GPR137B: variants seen among roughly 807,000 people sequenced by gnomAD.
The protein encoded by GPR137B is G protein-coupled receptor 137B, also known as integral membrane protein GPR137B.
Under a neutral mutation model 42.5 loss-of-function variants are expected in GPR137B, and 42 were observed. That is an observed-to-expected ratio of 0.99 (90% CI 0.77 to 1.28). GPR137B has a LOEUF of 1.28. Ranked by LOEUF, GPR137B falls within the 50% of genes most tolerant of loss-of-function variation. The probability of loss-of-function intolerance (pLI) is 0.00; values close to 1 mark genes in which losing one functional copy is unlikely to be tolerated. For synonymous variants in GPR137B, 218 were observed against 209.7 expected (o/e 1.04, Z -0.34); for missense variants, 487 against 493.9 (o/e 0.99, Z 0.13).
At chr1:236,154,382 T>TC (rs1009138039) in intron 1 of GPR137B, among the ~76,000 whole-genome samples, 1 of 152,090 alleles carries the variant, frequency 6.6e-6, no homozygotes, top group African/African-American at 2.4e-5. Context: ...TATTGTGTCT[T>TC]CCCCGAGTTC....
In GPR137B at chr1:236,150,211, C is replaced by G. The variant is rs113900113; in HGVS notation, c.414+7175C>G. On this transcript the variant is annotated intron_variant, in intron 1 of 6. Transcript: ENST00000366592. The surrounding 1 kb of genome is among the most constrained non-coding windows in gnomAD (Gnocchi z 6.2). ...TGTGTCTGTGTGCCTGTGTGTGTGTCTGTGCCTGTGTGTGCCTGTGTATGT... is the reference window on the plus strand; with the variant it reads ...TGTGTCTGTGTGCCTGTGTGTGTGTGTGTGCCTGTGTGTGCCTGTGTATGT... Among the ~76,000 whole-genome samples, 7 of 136,934 alleles carry G rather than the reference C, an allele frequency of 5.1e-5. No individual in the cohort carries two copies. Among genetic ancestry groups the G allele is most frequent in the Middle Eastern group, 4.6e-3 (1 of 218 alleles). 89.8% of individuals were successfully genotyped at this position (136,934 alleles called of 152,430 possible). A position where few individuals can be genotyped will look rare whatever the true frequency, so the allele number is the denominator to read the frequency against.
chr1:236,147,921 C>T (rs1401456367), intron 1 of GPR137B, among the ~76,000 whole-genome samples: 1 of 152,206 alleles, frequency 6.6e-6, no homozygotes. Context: ...TAACTCTCTC[C>T]GGGCCGTCTG....
At chr1:236,159,747 C>T (rs1415798219) in intron 1 of GPR137B, among the ~76,000 whole-genome samples, 1 of 152,232 alleles carries the variant, frequency 6.6e-6, no homozygotes, top group Non-Finnish European at 1.5e-5. Flanking sequence ...GGCCTTTATG[C>T]TTCTGTCGAA....
At chr1:236,161,703 C>T (rs1488314612) in intron 1 of GPR137B, among the ~76,000 whole-genome samples, 2 of 152,164 alleles carry the variant, frequency 1.3e-5, no homozygotes, top group East Asian at 3.8e-4. Context: ...GTGAATAAGT[C>T]TCACAAGATC....
intron 2 of GPR137B, among the ~76,000 whole-genome samples, chr1:236,169,138 T>C (rs899931392): frequency 6.6e-6 from 1 of 151,804 alleles, no homozygotes; most frequent in African/African-American, 2.4e-5. Flanking sequence ...GCCAGGTGCT[T>C]CCCCTTCCCC....
intron 5 of GPR137B, among the ~76,000 whole-genome samples, chr1:236,184,492 G>A (rs995256370): frequency 2.6e-5 from 4 of 152,126 alleles, no homozygotes; most frequent in Admixed American, 6.5e-5. Context: ...GCCTTGTTCC[G>A]TAAATTATTC....
At chr1:236,145,317 G>A (rs1661652924) in intron 1 of GPR137B, among the ~76,000 whole-genome samples, 1 of 152,230 alleles carries the variant, frequency 6.6e-6, no homozygotes, top group Non-Finnish European at 1.5e-5. Context: ...GGAGCTTTAA[G>A]AATGACTGTT....
At chr1:236,206,147 G>C (rs867351440) in intron 6 of GPR137B, among the ~76,000 whole-genome samples, 1 of 152,138 alleles carries the variant, frequency 6.6e-6, no homozygotes, top group African/African-American at 2.4e-5. Context: ...TACTTCTATA[G>C]CATCTACTCT....
At chr1:236,202,174 G>C (rs1317308744) in intron 5 of GPR137B, among the ~76,000 whole-genome samples, 1 of 152,068 alleles carries the variant, frequency 6.6e-6, no homozygotes, top group Non-Finnish European at 1.5e-5. Context: ...TAGACTCTGT[G>C]AAAGACCTTG....
intron 1 of GPR137B, among the ~76,000 whole-genome samples, chr1:236,149,053 C>T (rs1254175703): frequency 2.0e-5 from 3 of 152,210 alleles, no homozygotes; most frequent in Non-Finnish European, 4.4e-5. Context: ...GAGATTCTCA[C>T]TGTGTGTTGC....
chr1:236,204,353 T>C (rs1663587613), intron 5 of GPR137B, among the ~76,000 whole-genome samples: 1 of 152,250 alleles, frequency 6.6e-6, no homozygotes, highest in Non-Finnish European at 1.5e-5. Context: ...ATCAGAGATA[T>C]TGGCCTACAG....
At chr1:236,154,469 G>A (rs1661957572) in intron 1 of GPR137B, among the ~76,000 whole-genome samples, 1 of 151,980 alleles carries the variant, frequency 6.6e-6, no homozygotes. Flanking sequence ...TGCCATCCTG[G>A]TTGCTGTTCC....
At chr1:236,147,563 A>G (rs57007379) in intron 1 of GPR137B, among the ~76,000 whole-genome samples, 1,668 of 152,286 alleles carry the variant, frequency 0.011, 34 homozygotes, top group African/African-American at 0.038. Context: ...AGGACCCTGC[A>G]CCTGGCTGCT....
intron 3 of GPR137B, among the ~76,000 whole-genome samples, 163 bp downstream of exon 3, chr1:236,178,799 T>G (rs1222279294): frequency 3.4e-5 from 3 of 88,408 alleles, no homozygotes; most frequent in African/African-American, 7.2e-5. Context: ...TTTTTTTTTT[T>G]TTTTTTTTTT....
intron 5 of GPR137B, among the ~76,000 whole-genome samples, chr1:236,190,813 C>T (rs540367501): frequency 6.6e-6 from 1 of 151,164 alleles, no homozygotes; most frequent in South Asian, 2.1e-4. Context: ...ATGTGTCTGA[C>T]GATTATGTGT....
At chr1:236,205,399 T>G (rs74150320) in intron 6 of GPR137B, 149 bp downstream of exon 6, 21 of 648,688 alleles carry the variant, frequency 3.2e-5, no homozygotes, top group Admixed American at 2.3e-4. Flanking sequence ...ATTTTACTTA[T>G]GTGAAACATT....
chr1:236,165,794 A>T (rs1485514693), intron 1 of GPR137B, among the ~76,000 whole-genome samples: 1 of 152,210 alleles, frequency 6.6e-6, no homozygotes, highest in Non-Finnish European at 1.5e-5. Flanking sequence ...AGGGGGAAAA[A>T]GTTTTCCTAG....
chr1:236,189,930 A>G (rs1297835106), intron 5 of GPR137B, among the ~76,000 whole-genome samples: 1 of 152,034 alleles, frequency 6.6e-6, no homozygotes, highest in Non-Finnish European at 1.5e-5. Flanking sequence ...GTCTCCCATT[A>G]TTGTTGTGTG....
intron 5 of GPR137B, among the ~76,000 whole-genome samples, chr1:236,197,839 G>A (rs1008564656): frequency 2.6e-5 from 4 of 152,142 alleles, no homozygotes; most frequent in Non-Finnish European, 5.9e-5. Flanking sequence ...TCCTGCCTCA[G>A]CCTCCTGAGT....
Sources: allele counts gnomAD v4.1 joint callset (sites outside exome capture counted in the v4.1 genomes callset), GRCh38; gene constraint gnomAD v4.1.1; non-coding constraint Gnocchi (gnomAD v3.1); transcripts MANE v1.5; gene names NCBI Gene and HGNC (gene_info 2026-07-23, HGNC 2026-07-21).